SMPD4: variants seen among roughly 807,000 people sequenced by gnomAD.
SMPD4 encodes the protein neutral sphingomyelinase 3.
Under a neutral mutation model 97.8 loss-of-function variants are expected in SMPD4, and 58 were observed. The ratio of observed to expected loss-of-function variants is 0.59; its 90% CI spans 0.48 to 0.74. The LOEUF (loss-of-function observed/expected upper bound fraction) is 0.74. Among genes scored for constraint, SMPD4 ranks in the 30% least tolerant of loss-of-function variants. SMPD4 has a pLI of 0.00. For synonymous variants in SMPD4, 388 were observed against 450.0 expected (o/e 0.86, Z 1.74); for missense variants, 853 against 1,080.5 (o/e 0.79, Z 2.95).
At chr2:130,161,495 C>T (rs190992097) in intron 10 of SMPD4, among the ~76,000 whole-genome samples, 6 of 152,200 alleles carry the variant, frequency 3.9e-5, no homozygotes, top group Non-Finnish European at 7.4e-5. Flanking sequence ...CAGCGCAGCA[C>T]CCCCCTCCAC....
rs1279973900 is a variant in SMPD4 at position 130,181,579 on chromosome 2, G to T, written c.-95C>A. 6.2e-7 allele frequency: 1 copy of T among 1,605,976 alleles called. No homozygotes were observed. The highest frequency in any genetic ancestry group is 8.5e-7 in the Non-Finnish European group (1 of 1,177,106). On this transcript the variant is annotated 5_prime_UTR_variant, in exon 1 of 20. Coordinates refer to ENST00000680298, the MANE Select transcript of SMPD4 (RefSeq NM_017951.5). The stretch of plus-strand genomic sequence containing the variant: ...CCTCAGAGATGGAAGCCGCCATTCC[G>T]CCACGGCGCCGAAAGTCGTCATCAA...
intron 11 of SMPD4, among the ~76,000 whole-genome samples, chr2:130,158,877 G>A (rs1172308033): frequency 1.3e-5 from 2 of 152,140 alleles, no homozygotes; most frequent in Admixed American, 6.5e-5. Flanking sequence ...TGTAGACCCC[G>A]CACGGGCCAC....
rs190867044 is a variant in SMPD4 at position 130,172,947 on chromosome 2, G to A, written c.346-52C>T. The A allele has an allele frequency of 2.5e-4, 387 of 1,564,048 alleles. 4 individuals carry two copies. The African/African-American group carries it at 3.8e-3, about 15-fold the overall frequency. On this transcript the variant is annotated intron_variant, in intron 5 of 19. Transcript: ENST00000680298. ...GGGCAGGTGCTGGTGCGTAGTGCCC[G>A]ATACGCAGTACCCCACATGCACAGC...
At chr2:130,159,655 G>C (rs1197212099) in intron 11 of SMPD4, 1 of 147,452 alleles carries the variant, frequency 6.8e-6, no homozygotes, top group South Asian at 2.1e-4. Flanking sequence ...AAAAAAAAAA[G>C]ACAGAAGGAG....
At chr2:130,170,496 T>C (rs1236026349) in intron 8 of SMPD4, among the ~76,000 whole-genome samples, 1 of 139,006 alleles carries the variant, frequency 7.2e-6, no homozygotes. Flanking sequence ...ACCAGTGTAG[T>C]GGTTCATGCC....
At chr2:130,176,928 T>C (rs1475448958) in intron 1 of SMPD4, among the ~76,000 whole-genome samples, 1 of 152,220 alleles carries the variant, frequency 6.6e-6, no homozygotes, top group Non-Finnish European at 1.5e-5. Flanking sequence ...TGGCCTCCAC[T>C]GATCCTCCTG....
intron 13 of SMPD4, 23 bp downstream of exon 13, chr2:130,156,562 C>G: frequency 6.2e-7 from 1 of 1,605,664 alleles, no homozygotes; most frequent in Non-Finnish European, 8.5e-7. Context: ...CACAGGCACA[C>G]GTGTGACGGG....
intron 17 of SMPD4, 61 bp from the exon 18 acceptor site, chr2:130,153,511 C>T (rs1444721943): frequency 6.2e-7 from 1 of 1,601,130 alleles, no homozygotes; most frequent in Non-Finnish European, 8.5e-7. Context: ...CCAGTCTTCA[C>T]CCCACCAGCC....
intron 2 of SMPD4, among the ~76,000 whole-genome samples, 199 bp downstream of exon 2, chr2:130,176,355 G>C (rs1455726872): frequency 1.3e-5 from 2 of 152,200 alleles, no homozygotes; most frequent in Non-Finnish European, 2.9e-5. Context: ...AGAAAACCCA[G>C]AGCCCAGAAG....
intron 8 of SMPD4, among the ~76,000 whole-genome samples, chr2:130,172,036 C>G (rs1477223219): frequency 6.6e-6 from 1 of 152,228 alleles, no homozygotes; most frequent in East Asian, 1.9e-4. Context: ...CCTTTCCACC[C>G]TGCTCACTGA....
chr2:130,155,023 ACCCCCAGCTAAGGGCCTGGCC>A, intron 15 of SMPD4, 52 bp downstream of exon 15: 1 of 1,567,746 alleles, frequency 6.4e-7, no homozygotes. Flanking sequence ...AAGACCAGCC[ACCCCCAGCTAAGGGCCTGGCC>A]CTGGTCTGGC....
intron 10 of SMPD4, among the ~76,000 whole-genome samples, chr2:130,163,700 G>A (rs1433570014): frequency 6.6e-6 from 1 of 152,262 alleles, no homozygotes; most frequent in Non-Finnish European, 1.5e-5. Flanking sequence ...GGTTCACCTA[G>A]CTGCTTTCTC....
chr2:130,157,504 C>T (rs1319719536), intron 11 of SMPD4, 108 bp from the exon 12 acceptor site: 6 of 1,534,682 alleles, frequency 3.9e-6, no homozygotes, highest in Non-Finnish European at 5.3e-6. Flanking sequence ...CTGCTGCCCC[C>T]ACGGGAGGCA....
chr2:130,155,684 A>G (rs1166128720), intron 14 of SMPD4, among the ~76,000 whole-genome samples: 3 of 151,882 alleles, frequency 2.0e-5, no homozygotes, highest in South Asian at 4.1e-4. Context: ...AGGGGAAGAC[A>G]GCCTCCCTCA....
chr2:130,175,425 A>T (rs910894554), intron 2 of SMPD4, among the ~76,000 whole-genome samples: 1 of 152,202 alleles, frequency 6.6e-6, no homozygotes, highest in Non-Finnish European at 1.5e-5. Context: ...CACCGTGATT[A>T]CACCATTGTG....
intron 14 of SMPD4, 57 bp from the exon 15 acceptor site, chr2:130,155,316 T>G: frequency 6.2e-7 from 1 of 1,604,380 alleles, no homozygotes; most frequent in Non-Finnish European, 8.5e-7. Context: ...ATGCCCCTAA[T>G]GCCCGGTCCG....
rs1268802657 is a variant in SMPD4, at chr2:130,161,268, T to C, written c.869A>G (p.Glu290Gly). Residue 290 changes from glutamate (E) to glycine (G), a missense_variant, in exon 11 of 20, where the codon GAG becomes GGG. Glu to Gly is a moderately conservative substitution (Grantham distance 98, BLOSUM62 -2). Coordinates refer to ENST00000680298, the MANE Select transcript of SMPD4 (RefSeq NM_017951.5). ...QKMQSPHAKL[E>G]VLHYRLSVSS... ...GACACTGAGTCGGTAGTGCAGAACC[T>C]CCAGCTGAGATAAGAAACAGAGAGA... 1.2e-6 allele frequency: 2 copies of C among 1,613,270 alleles called. No individual in the cohort carries two copies.
At chr2:130,167,365 CCCA>C (rs1192529669) in intron 9 of SMPD4, 90 bp downstream of exon 9, 8 of 1,563,460 alleles carry the variant, frequency 5.1e-6, no homozygotes, top group African/African-American at 1.4e-5. Context: ...AGGTCATCTG[CCCA>C]CCTAGGCCTC....
rs1358443832 is a variant in SMPD4, at chr2:130,151,671, G to GA, written c.*883dup. The GA allele has an allele frequency of 2.0e-5, 3 of 148,624 alleles. No homozygotes were observed. In the Admixed American group the frequency reaches 2.0e-4, roughly 10 times the overall value. 9.2% of individuals were successfully genotyped at this position (148,624 alleles called of 1,614,324 possible). On this transcript the variant is annotated 3_prime_UTR_variant, in exon 20 of 20. Transcript: ENST00000680298. ...AGACCCCGTGCTGGTTTCTGTCAGA[G>GA]AATCTGTAGTTGTATATTTTGAATA...
Sources: allele counts gnomAD v4.1 joint callset (sites outside exome capture counted in the v4.1 genomes callset), GRCh38; gene constraint gnomAD v4.1.1; transcripts MANE v1.5; gene names NCBI Gene and HGNC (gene_info 2026-07-23, HGNC 2026-07-21).